CORIN: variants seen among roughly 807,000 people sequenced by gnomAD.
CORIN encodes atrial natriuretic peptide-converting enzyme.
CORIN carries 117 observed loss-of-function variants against 125.3 expected under a neutral mutation model. The ratio of observed to expected loss-of-function variants is 0.93; its 90% CI spans 0.80 to 1.09. The LOEUF (loss-of-function observed/expected upper bound fraction) is 1.09, where lower values mean the gene tolerates loss of function less well. Among genes scored for constraint, CORIN ranks in the 50% least tolerant of loss-of-function variants. CORIN has a pLI of 0.00. For synonymous variants in CORIN, 450 were observed against 466.4 expected (o/e 0.96, Z 0.45); for missense variants, 1,253 against 1,306.7 (o/e 0.96, Z 0.63).
chr4:47,714,412 A>C (rs1726997802), intron 5 of CORIN, among the ~76,000 whole-genome samples: 1 of 152,222 alleles, frequency 6.6e-6, no homozygotes, highest in Non-Finnish European at 1.5e-5. Context: ...ACTGGCAATC[A>C]ATCACACAGT....
At chr4:47,660,155 C>T (rs1270648081) in intron 12 of CORIN, among the ~76,000 whole-genome samples, 1 of 152,134 alleles carries the variant, frequency 6.6e-6, no homozygotes, top group African/African-American at 2.4e-5. Context: ...TGAAATTAGA[C>T]CCCTATCTCT....
chr4:47,771,311 G>A (rs1052432367), intron 3 of CORIN, among the ~76,000 whole-genome samples: 1 of 152,112 alleles, frequency 6.6e-6, no homozygotes, highest in East Asian at 1.9e-4. Context: ...CATTTTGCCA[G>A]AATGATTTCT....
Position 47,837,912 on chromosome 4 carries a change from C to T in CORIN, c.38G>A (p.Cys13Tyr), listed in dbSNP as rs2289433. Residue 13 changes from cysteine to tyrosine, a missense_variant, in exon 1 of 22, where the codon TGC becomes TAC. By Grantham distance (194) the Cys-to-Tyr change is radical. Coordinates refer to ENST00000273857, the MANE Select transcript of CORIN (RefSeq NM_006587.4). ...CGGCTTTGGGGACCCGGCTCTGCGG[C>T]AGCGCTCTTCCGGAGCGAGGGCAGG... is the stretch of plus-strand genomic sequence containing the variant. ...QSPALAPEERCRRAGSPKPVL... is the reference protein window; with the variant it reads ...QSPALAPEERYRRAGSPKPVL... 1,202,008 of 1,613,360 alleles carry T rather than the reference C, an allele frequency of 0.75. 449,782 individuals are homozygous for T. The highest frequency in any genetic ancestry group is 0.76 in the South Asian group (69,082 of 91,056).
At chr4:47,791,615 G>C (rs775852443) in intron 2 of CORIN, among the ~76,000 whole-genome samples, 4 of 152,158 alleles carry the variant, frequency 2.6e-5, no homozygotes, top group Non-Finnish European at 5.9e-5. Context: ...AAGTTTATGA[G>C]AGTGAATTAG....
At chr4:47,673,757 G>A (rs1050453016) in intron 10 of CORIN, among the ~76,000 whole-genome samples, 2 of 152,118 alleles carry the variant, frequency 1.3e-5, no homozygotes, top group South Asian at 4.1e-4. Context: ...CTGGAAAGGC[G>A]AGAATAAATT....
chr4:47,653,716 T>C, intron 12 of CORIN, 56 bp from the exon 13 acceptor site: 1 of 1,436,806 alleles, frequency 7.0e-7, no homozygotes, highest in Non-Finnish European at 9.8e-7. Context: ...ATCAGCTAAT[T>C]TATGTATTTA....
intron 4 of CORIN, 29 bp from the exon 5 acceptor site, chr4:47,744,612 A>G (rs1728578840): frequency 1.3e-6 from 2 of 1,552,632 alleles, no homozygotes; most frequent in African/African-American, 1.4e-5. Context: ...AAAGGTGAAA[A>G]TTAGTGTCTT....
At chr4:47,836,266 A>G (rs189673857) in intron 1 of CORIN, among the ~76,000 whole-genome samples, 9 of 152,216 alleles carry the variant, frequency 5.9e-5, no homozygotes, top group Admixed American at 5.2e-4. Context: ...CAACAAACCT[A>G]TTGGGCACCT....
At chr4:47,788,963 A>G (rs1359002969) in intron 2 of CORIN, among the ~76,000 whole-genome samples, 1 of 152,140 alleles carries the variant, frequency 6.6e-6, no homozygotes, top group East Asian at 1.9e-4. Flanking sequence ...TTCCTTTGTC[A>G]TTTTAATATT....
chr4:47,706,701 G>T, intron 5 of CORIN: 1 of 1,607,466 alleles, frequency 6.2e-7, no homozygotes. Flanking sequence ...GGACGCCACT[G>T]TGGGGCTCTG....
At chr4:47,742,207 A>G (rs959257313) in intron 5 of CORIN, among the ~76,000 whole-genome samples, 1 of 151,994 alleles carries the variant, frequency 6.6e-6, no homozygotes, top group African/African-American at 2.4e-5. Context: ...CTACAAATAG[A>G]AAGAGCTTCC....
intron 5 of CORIN, among the ~76,000 whole-genome samples, chr4:47,712,585 C>T (rs2109780193): frequency 6.6e-6 from 1 of 152,218 alleles, no homozygotes; most frequent in Non-Finnish European, 1.5e-5. Context: ...ACCCGGCTGA[C>T]ATCATTTATT....
At chr4:47,781,887 G>A (rs188822951) in intron 3 of CORIN, among the ~76,000 whole-genome samples, 7 of 152,048 alleles carry the variant, frequency 4.6e-5, no homozygotes, top group African/African-American at 7.2e-5. Context: ...GCAGTGAGCC[G>A]AGATCATGCC....
Position 47,795,091 on chromosome 4 carries a change from A to G in CORIN, c.209-8166T>C, listed in dbSNP as rs73135984. 9.1e-3 allele frequency among the ~76,000 whole-genome samples: 1,382 copies of G among 152,218 alleles called. 20 individuals are homozygous for G. The highest frequency in any genetic ancestry group is 0.03 in the African/African-American group (1,247 of 41,546). On this transcript the variant is annotated intron_variant, in intron 2 of 21. Coordinates refer to ENST00000273857, the MANE Select transcript of CORIN (RefSeq NM_006587.4). ...CTCTTCACACCTTTGTTGAAGATCC[A>G]ATGACCATATACATGTGGATTTATT...
At chr4:47,800,014 A>ATAC (rs1234286726) in intron 2 of CORIN, among the ~76,000 whole-genome samples, 11 of 152,202 alleles carry the variant, frequency 7.2e-5, no homozygotes, top group Non-Finnish European at 1.3e-4. Context: ...ACATATGGTC[A>ATAC]TACAGAATGT....
At chr4:47,787,003 A>G (rs1730846973) in intron 2 of CORIN, 78 bp from the exon 3 acceptor site, 1 of 1,000,338 alleles carries the variant, frequency 1.0e-6, no homozygotes, top group African/African-American at 1.6e-5. Flanking sequence ...AAACATTAAG[A>G]AAACTCTAGA....
chr4:47,823,017 A>C (rs1732587683), intron 1 of CORIN, among the ~76,000 whole-genome samples: 1 of 151,816 alleles, frequency 6.6e-6, no homozygotes, highest in South Asian at 2.1e-4. Flanking sequence ...GCTTCACCAT[A>C]TTGGCCAGGA....
At chr4:47,835,162 G>T (rs114941184) in intron 1 of CORIN, among the ~76,000 whole-genome samples, 169 of 152,062 alleles carry the variant, frequency 1.1e-3, no homozygotes, top group African/African-American at 4.0e-3. Flanking sequence ...GGTAAGTCTT[G>T]GAATCCCTTG....
intron 10 of CORIN, among the ~76,000 whole-genome samples, chr4:47,673,614 C>T (rs1724871636): frequency 6.6e-6 from 1 of 152,136 alleles, no homozygotes; most frequent in Non-Finnish European, 1.5e-5. Context: ...TCCGCCCATT[C>T]TGTCTTCCCC....
Sources: allele counts gnomAD v4.1 joint callset (sites outside exome capture counted in the v4.1 genomes callset), GRCh38; gene constraint gnomAD v4.1.1; transcripts MANE v1.5; gene names NCBI Gene and HGNC (gene_info 2026-07-23, HGNC 2026-07-21).